Variants in RASGRF2 observed in about 807,000 individuals in gnomAD.
RASGRF2 encodes Ras protein specific guanine nucleotide releasing factor 2, also known as ras-specific guanine nucleotide-releasing factor 2.
A neutral mutation model predicts 151.0 loss-of-function variants in RASGRF2; 76 were observed. That is an observed-to-expected ratio of 0.50 (90% CI 0.42 to 0.61). The LOEUF (loss-of-function observed/expected upper bound fraction) is 0.61, where lower values mean the gene tolerates loss of function less well. Among genes scored for constraint, RASGRF2 ranks in the 20% least tolerant of loss-of-function variants. RASGRF2 has a pLI of 0.00. For synonymous variants in RASGRF2, 504 were observed against 566.5 expected, an observed-to-expected ratio of 0.89 and a Z score of 1.57; for missense variants, 1,148 against 1,564.6, an observed-to-expected ratio of 0.73 and a Z score of 4.49.
At chr5:81,202,514 A>G (rs938397386) in intron 19 of RASGRF2, among the ~76,000 whole-genome samples, 7 of 152,186 alleles carry the variant, frequency 4.6e-5, no homozygotes, top group African/African-American at 1.7e-4. Flanking sequence ...CTTAGCCCCC[A>G]TTAGCTGAAG....
intron 1 of RASGRF2, among the ~76,000 whole-genome samples, chr5:81,029,987 C>T (rs917672856): frequency 7.2e-5 from 11 of 151,992 alleles, no homozygotes; most frequent in Admixed American, 5.9e-4. Flanking sequence ...AACCATGGCA[C>T]GAGAACTATG....
intron 6 of RASGRF2, 59 bp downstream of exon 6, chr5:81,080,259 A>C: frequency 6.4e-7 from 1 of 1,570,076 alleles, no homozygotes; most frequent in Non-Finnish European, 8.6e-7. Context: ...ATTAGAGTAA[A>C]ATAGCTCCAA....
chr5:81,065,020 C>T (rs554819381), intron 2 of RASGRF2, among the ~76,000 whole-genome samples: 2 of 152,202 alleles, frequency 1.3e-5, no homozygotes, highest in East Asian at 1.9e-4. Context: ...GAAGCTGCTA[C>T]GAGTTCTACA....
At chr5:81,139,827 T>C (rs1304943086) in intron 17 of RASGRF2, among the ~76,000 whole-genome samples, 1 of 152,052 alleles carries the variant, frequency 6.6e-6, no homozygotes, top group Non-Finnish European at 1.5e-5. Context: ...ATTCAGACTT[T>C]TTTTATTTTT....
At chr5:81,145,008 G>C (rs372932004) in intron 17 of RASGRF2, among the ~76,000 whole-genome samples, 28 of 152,274 alleles carry the variant, frequency 1.8e-4, no homozygotes, top group African/African-American at 6.0e-4. Context: ...GGGAGGCTGA[G>C]GCAGCGGGAG....
intron 15 of RASGRF2, among the ~76,000 whole-genome samples, chr5:81,123,213 T>C (rs955955956): frequency 5.9e-5 from 9 of 152,144 alleles, no homozygotes; most frequent in African/African-American, 2.2e-4. Context: ...GGCCACATTA[T>C]AGAGATTCAA....
At chr5:81,138,641 G>A (rs900688891) in intron 17 of RASGRF2, among the ~76,000 whole-genome samples, 1 of 152,140 alleles carries the variant, frequency 6.6e-6, no homozygotes, top group African/African-American at 2.4e-5. Flanking sequence ...GCGTCTCACT[G>A]TCATGCTGGT....
intron 2 of RASGRF2, among the ~76,000 whole-genome samples, chr5:81,051,870 A>G (rs1047208398): frequency 1.1e-4 from 16 of 152,118 alleles, no homozygotes; most frequent in Non-Finnish European, 1.9e-4. Context: ...TGGTAACTCT[A>G]TGTTTAACTT....
chr5:80,961,042 T>C lies in RASGRF2; in HGVS notation c.288+16T>C. The C allele has an allele frequency of 2.1e-6, 3 of 1,435,168 alleles. No individual in the cohort carries two copies. Among genetic ancestry groups the C allele is most frequent in the African/African-American group, 1.4e-5 (1 of 69,934 alleles). 88.9% of individuals were successfully genotyped at this position (1,435,168 alleles called of 1,614,324 possible). The stretch of plus-strand genomic sequence containing the variant: ...GGACAAGCAGGTACCGCGCGCCTTC[T>C]CTCCGCGGTCTCCCAGCCTTGATCG... On this transcript the variant is annotated intron_variant, in intron 1 of 26. Transcript: ENST00000265080.
At chr5:80,998,176 ATGT>A (rs1748956917) in intron 1 of RASGRF2, 1 of 152,120 alleles carries the variant, frequency 6.6e-6, no homozygotes, top group South Asian at 2.1e-4. Context: ...GGGTGTTCAC[ATGT>A]TGTGTGCATA....
At chr5:81,206,966 C>A in intron 20 of RASGRF2, 61 bp downstream of exon 20, 1 of 1,335,762 alleles carries the variant, frequency 7.5e-7, no homozygotes, top group Non-Finnish European at 1.1e-6. Flanking sequence ...CCAAGGCGAG[C>A]AATATGCTTG....
rs372200831 is a variant in RASGRF2 at position 81,094,407 on chromosome 5, G to A, written c.1618+45G>A. 1.2e-5 allele frequency: 19 copies of A among 1,532,702 alleles called. 1 individual carries two copies. In the Middle Eastern group the frequency reaches 6.1e-4, roughly 49 times the overall value. 94.9% of individuals were successfully genotyped at this position (1,532,702 alleles called of 1,614,324 possible). On this transcript the variant is annotated intron_variant, in intron 11 of 26. Transcript: ENST00000265080. ...TTAGGATTCTATTAGAATTAGAGGC[G>A]GGAGAGAGAGGCTGAGGATAAACTC...
chr5:81,185,528 G>A (rs1338588181), intron 18 of RASGRF2, among the ~76,000 whole-genome samples: 1 of 152,054 alleles, frequency 6.6e-6, no homozygotes, highest in Non-Finnish European at 1.5e-5. Flanking sequence ...ACATTGCCAG[G>A]GTCAGGGGAG....
chr5:81,089,987 A>T (rs997878882), intron 9 of RASGRF2, among the ~76,000 whole-genome samples: 3 of 152,250 alleles, frequency 2.0e-5, no homozygotes, highest in Admixed American at 2.0e-4. Flanking sequence ...TACAAAATCT[A>T]TTATGCATTG....
chr5:81,190,865 C>T (rs558114001), intron 18 of RASGRF2, among the ~76,000 whole-genome samples: 1 of 152,282 alleles, frequency 6.6e-6, no homozygotes, highest in Non-Finnish European at 1.5e-5. Flanking sequence ...AAACATTTTC[C>T]CCATTGAACT....
At chr5:81,193,067 C>T (rs1163215619) in intron 18 of RASGRF2, among the ~76,000 whole-genome samples, 1 of 152,118 alleles carries the variant, frequency 6.6e-6, no homozygotes, top group Admixed American at 6.5e-5. Context: ...CCTTTTAAAA[C>T]CTCTGGCCAC....
At chr5:81,131,166 A>G (rs9293834) in intron 17 of RASGRF2, among the ~76,000 whole-genome samples, 11,617 of 152,220 alleles carry the variant, frequency 0.076, 1,501 homozygotes, top group African/African-American at 0.26. Flanking sequence ...TTTCAAATGC[A>G]ATACAAGGGA....
chr5:81,041,355 G>C (rs1331568199), intron 1 of RASGRF2, among the ~76,000 whole-genome samples: 2 of 151,904 alleles, frequency 1.3e-5, no homozygotes, highest in Non-Finnish European at 2.9e-5. Context: ...GATCTACTGG[G>C]TGTACTGTTA....
intron 1 of RASGRF2, among the ~76,000 whole-genome samples, chr5:80,978,110 T>G (rs1189980448): frequency 6.6e-6 from 1 of 152,128 alleles, no homozygotes; most frequent in African/African-American, 2.4e-5. Context: ...ATAATTATAT[T>G]AAATATATTA....
Sources: gnomAD v4.1 joint callset for allele counts (sites outside exome capture counted in the v4.1 genomes callset) on GRCh38, gnomAD v4.1.1 for gene constraint, MANE v1.5 for transcripts, NCBI Gene and HGNC (gene_info 2026-07-23, HGNC 2026-07-21) for gene names.